SUSD5: variants seen among roughly 807,000 people sequenced by gnomAD.
The protein encoded by SUSD5 is sushi domain containing 5, also known as sushi domain-containing protein 5.
SUSD5 carries 33 observed loss-of-function variants against 29.5 expected under a neutral mutation model. That is an observed-to-expected ratio of 1.12 (90% CI 0.85 to 1.49). SUSD5 has a LOEUF of 1.49. SUSD5 is among the 40% of genes most tolerant of loss of function. SUSD5 has a pLI of 0.00. For synonymous variants in SUSD5, 308 were observed against 325.3 expected, an observed-to-expected ratio of 0.95 and a Z score of 0.57; for missense variants, 776 against 800.6, an observed-to-expected ratio of 0.97 and a Z score of 0.37.
At chr3:33,217,430 C>T (rs2032443825) in intron 1 of SUSD5, among the ~76,000 whole-genome samples, 1 of 152,044 alleles carries the variant, frequency 6.6e-6, no homozygotes, top group East Asian at 1.9e-4. Context: ...ATACTAAAAC[C>T]CACTTAACTG....
At chr3:33,184,689 GC>G (rs2031743364) in intron 3 of SUSD5, among the ~76,000 whole-genome samples, 1 of 152,060 alleles carries the variant, frequency 6.6e-6, no homozygotes, top group South Asian at 2.1e-4. Flanking sequence ...TTTCTCCTCA[GC>G]TGTGTCCAGT....
intron 3 of SUSD5, among the ~76,000 whole-genome samples, chr3:33,191,503 A>G (rs529130970): frequency 1.3e-5 from 2 of 152,200 alleles, no homozygotes; most frequent in African/African-American, 2.4e-5. Context: ...CCCTCAGAGC[A>G]TAGGAAAGTC....
In SUSD5 at chr3:33,174,957, CG is replaced by C; in HGVS notation, c.526del (p.Arg176GlyfsTer85). On this transcript the variant is annotated frameshift_variant, in exon 4 of 5. Coordinates refer to ENST00000309558, the MANE Select transcript of SUSD5 (RefSeq NM_015551.2). LOFTEE classifies it high-confidence loss of function. ...ACATAGCAAGGTGAAGGCGGTCTCCCGGTGGCCCATGATGTGGCCTGGGGCA... is the reference window on the plus strand; with the variant it reads ...ACATAGCAAGGTGAAGGCGGTCTCCCGTGGCCCATGATGTGGCCTGGGGCA... ...VCAPGHIMGH[R>X]ETAFTLLCNS... 1 of 1,614,024 alleles carries C rather than the reference CG, an allele frequency of 6.2e-7. No homozygotes were observed. Among genetic ancestry groups the C allele is most frequent in the Non-Finnish European group, 8.5e-7 (1 of 1,179,892 alleles).
At chr3:33,206,110 G>C (rs922147122) in intron 3 of SUSD5, among the ~76,000 whole-genome samples, 1 of 152,114 alleles carries the variant, frequency 6.6e-6, no homozygotes, top group African/African-American at 2.4e-5. Flanking sequence ...ATATGGGCCA[G>C]GTGCAGTAAT....
At chr3:33,159,018 G>A (rs1040450786) in intron 4 of SUSD5, among the ~76,000 whole-genome samples, 2 of 152,222 alleles carry the variant, frequency 1.3e-5, no homozygotes, top group Non-Finnish European at 2.9e-5. Context: ...CGAATCCGGA[G>A]AGTGCATTCA....
chr3:33,153,167 C>T lies in SUSD5; in HGVS notation c.1465G>A (p.Glu489Lys). 1 of 1,613,794 alleles carries T rather than the reference C, an allele frequency of 6.2e-7. No homozygotes were observed. Among genetic ancestry groups the T allele is most frequent in the South Asian group, 1.1e-5 (1 of 91,052 alleles). ...EESPMATLSY[E>K]LTSSTLEILT... is the part of the protein sequence containing the mutation. Reference sequence around the variant, plus strand: ...ATCTCCAGGGTGGAGCTGGTGAGCTCATAGGACAGGGTGGCCATGGGAGAT... The same window carrying T: ...ATCTCCAGGGTGGAGCTGGTGAGCTTATAGGACAGGGTGGCCATGGGAGAT... Residue 489 changes from glutamate (E) to lysine (K), a missense_variant, in exon 5 of 5, where the codon GAG becomes AAG. Transcript: ENST00000309558.
chr3:33,195,816 T>C (rs768916151), intron 3 of SUSD5, among the ~76,000 whole-genome samples: 4 of 150,916 alleles, frequency 2.7e-5, no homozygotes, highest in Non-Finnish European at 5.9e-5. Context: ...AAATAAAACA[T>C]GTAGAGAACA....
chr3:33,160,132 C>T (rs4678720), intron 4 of SUSD5, among the ~76,000 whole-genome samples: 43,185 of 151,956 alleles, frequency 0.28, 6,870 homozygotes, highest in East Asian at 0.51. Flanking sequence ...AGAACCCAGA[C>T]TTAAAAAAAT....
At chr3:33,177,403 T>C (rs944147865) in intron 3 of SUSD5, among the ~76,000 whole-genome samples, 2 of 152,256 alleles carry the variant, frequency 1.3e-5, no homozygotes, top group African/African-American at 4.8e-5. Flanking sequence ...AGTTTTACAG[T>C]ATTCTTCATC....
chr3:33,177,657 A>T (rs1482356869), intron 3 of SUSD5, among the ~76,000 whole-genome samples: 1 of 152,160 alleles, frequency 6.6e-6, no homozygotes, highest in African/African-American at 2.4e-5. Flanking sequence ...TATAGGCATG[A>T]GCCACTGCAC....
At chr3:33,209,976 A>G (rs1163841843) in intron 2 of SUSD5, among the ~76,000 whole-genome samples, 37 of 152,322 alleles carry the variant, frequency 2.4e-4, no homozygotes. Flanking sequence ...TGTCAAGGAT[A>G]GTTATTTTAA....
At chr3:33,203,057 C>T (rs2032150140) in intron 3 of SUSD5, among the ~76,000 whole-genome samples, 1 of 152,186 alleles carries the variant, frequency 6.6e-6, no homozygotes, top group African/African-American at 2.4e-5. Context: ...AGCTGGACCT[C>T]ACCTACACTC....
At chr3:33,213,241 C>T (rs2032354264) in intron 2 of SUSD5, among the ~76,000 whole-genome samples, 2 of 151,482 alleles carry the variant, frequency 1.3e-5, no homozygotes, top group African/African-American at 4.9e-5. Flanking sequence ...CATTTTTTAC[C>T]TCTATAAAAA....
chr3:33,209,386 T>TTC (rs2032280951), intron 2 of SUSD5, among the ~76,000 whole-genome samples: 1 of 152,116 alleles, frequency 6.6e-6, no homozygotes, highest in Non-Finnish European at 1.5e-5. Context: ...TATCTTTCTC[T>TTC]TCTCCTTTTA....
intron 4 of SUSD5, among the ~76,000 whole-genome samples, chr3:33,156,542 C>G (rs2031059235): frequency 6.6e-6 from 1 of 152,178 alleles, no homozygotes; most frequent in Admixed American, 6.5e-5. Context: ...AAGACAGCAG[C>G]AGCCCTTTGA....
rs1383460969 is a variant in SUSD5 at position 33,174,819 on chromosome 3, G to A, written c.598+67C>T. On this transcript the variant is annotated intron_variant, in intron 4 of 4. Transcript: ENST00000309558. ...GAGAAGAGCCCACCGCATGCAGCCA[G>A]CAGCAGTGGAGCCCTCAGCCAGCAC... The A allele has an allele frequency of 1.2e-5, 19 of 1,563,040 alleles. No homozygotes were observed. In the Middle Eastern group the frequency reaches 2.1e-3, roughly 172 times the overall value.
At position 33,194,006 on chromosome 3, in the gene SUSD5, G is replaced by A. The variant is rs148813156; in HGVS notation, c.409+13802C>T. ...CTCAAGGTTCCTATCCTCCCCAGTC[G>A]CTCCTATGAATAATATCAGTATTGT... On this transcript the variant is annotated intron_variant, in intron 3 of 4. Transcript: ENST00000309558. Among the ~76,000 whole-genome samples, 39 of 152,232 alleles carry A rather than the reference G, an allele frequency of 2.6e-4. No individual in the cohort carries two copies. The East Asian group carries it at 6.2e-3, about 24-fold the overall frequency.
At chr3:33,217,690 C>CT (rs796649693) in intron 1 of SUSD5, among the ~76,000 whole-genome samples, 218 of 144,910 alleles carry the variant, frequency 1.5e-3, no homozygotes, top group African/African-American at 2.1e-3. Flanking sequence ...GACAACCATG[C>CT]TTTTTTTTTT....
In SUSD5 at chr3:33,152,550, G is replaced by A. The variant is rs1559441449; in HGVS notation, c.*192C>T. 1.0e-5 allele frequency: 6 copies of A among 597,346 alleles called. No homozygotes were observed. The highest frequency in any genetic ancestry group is 5.6e-5 in the East Asian group (2 of 35,430). The allele number at this position is 597,346 out of a possible 1,614,324, so 37.0% of individuals were successfully genotyped here. On this transcript the variant is annotated 3_prime_UTR_variant, in exon 5 of 5. Coordinates refer to ENST00000309558, the MANE Select transcript of SUSD5 (RefSeq NM_015551.2). ...CAGATGGTGGAGGAGACATTGACAT[G>A]AGTGATGATGTCACCAAAGCCTCCC... is the stretch of plus-strand genomic sequence containing the variant.
Sources: gnomAD v4.1 joint callset for allele counts (sites outside exome capture counted in the v4.1 genomes callset) on GRCh38, gnomAD v4.1.1 for gene constraint, MANE v1.5 for transcripts, NCBI Gene and HGNC (gene_info 2026-07-23, HGNC 2026-07-21) for gene names.